Variants in TPO observed in about 807,000 individuals in gnomAD.
TPO encodes thyroid microsomal antigen.
Under a neutral mutation model 96.9 loss-of-function variants are expected in TPO, and 78 were observed. That is an observed-to-expected ratio of 0.81 (90% CI 0.67 to 0.97). The LOEUF is 0.97. TPO is among the 50% of genes least tolerant of loss of function. TPO has a pLI of 0.00. For missense variants in TPO, 1,252 were observed against 1,274.8 expected (o/e 0.98, Z 0.27); for synonymous variants, 547 against 538.0 (o/e 1.02, Z -0.23).
chr2:1,499,351 C>G (rs937065617), intron 13 of TPO, among the ~76,000 whole-genome samples: 5 of 152,176 alleles, frequency 3.3e-5, no homozygotes, highest in African/African-American at 9.7e-5. Flanking sequence ...AATCACTCTT[C>G]TGTTCTTGAA....
At chr2:1,511,720 G>A (rs939763408) in intron 14 of TPO, among the ~76,000 whole-genome samples, 1 of 152,168 alleles carries the variant, frequency 6.6e-6, no homozygotes, top group Non-Finnish European at 1.5e-5. Context: ...TAAGGACATA[G>A]CTGCCTTGGG....
At chr2:1,510,752 G>A (rs1273378299) in intron 14 of TPO, among the ~76,000 whole-genome samples, 1 of 152,140 alleles carries the variant, frequency 6.6e-6, no homozygotes, top group African/African-American at 2.4e-5. Flanking sequence ...GTGCACCAGG[G>A]CCCATGTCTG....
chr2:1,516,810 G>C (rs1674759768), intron 14 of TPO, 73 bp from the exon 15 acceptor site: 2 of 1,425,988 alleles, frequency 1.4e-6, no homozygotes. Context: ...GTATGGCCCA[G>C]ACTCAGGCAG....
At chr2:1,539,639 G>A (rs149422169) in intron 15 of TPO, among the ~76,000 whole-genome samples, 18 of 152,274 alleles carry the variant, frequency 1.2e-4, no homozygotes, top group East Asian at 9.7e-4. Flanking sequence ...GCTGTGGTGC[G>A]GGGACTGCGC....
chr2:1,416,446 G>T (rs974591108), intron 2 of TPO, among the ~76,000 whole-genome samples: 2 of 152,210 alleles, frequency 1.3e-5, no homozygotes, highest in Non-Finnish European at 2.9e-5. Context: ...TTTGTAACAT[G>T]TTTTTTAATT....
At chr2:1,476,518 C>A (rs1669947105) in intron 7 of TPO, among the ~76,000 whole-genome samples, 1 of 152,230 alleles carries the variant, frequency 6.6e-6, no homozygotes, top group Non-Finnish European at 1.5e-5. Context: ...AACAGTGATG[C>A]CCACAAAACT....
At chr2:1,449,027 C>A (rs565234510) in intron 5 of TPO, among the ~76,000 whole-genome samples, 1 of 152,178 alleles carries the variant, frequency 6.6e-6, no homozygotes, top group African/African-American at 2.4e-5. Flanking sequence ...CTTCCTCCAG[C>A]GGCCATTCTG....
chr2:1,383,567 G>C (rs2148346844), intron 1 of TPO, among the ~76,000 whole-genome samples: 1 of 152,198 alleles, frequency 6.6e-6, no homozygotes, highest in Admixed American at 6.6e-5. Flanking sequence ...ACTTGTTGAT[G>C]GGGTTGTTTT....
chr2:1,422,150 C>T (rs1231244893), intron 2 of TPO, among the ~76,000 whole-genome samples: 2 of 152,262 alleles, frequency 1.3e-5, no homozygotes, highest in Non-Finnish European at 1.5e-5. Context: ...CTTAACTTTG[C>T]TGTATCACAC....
intron 14 of TPO, among the ~76,000 whole-genome samples, chr2:1,516,246 T>C (rs1316985659): frequency 2.0e-5 from 3 of 152,140 alleles, no homozygotes; most frequent in African/African-American, 7.2e-5. Flanking sequence ...GGCCTGCACT[T>C]CTCTGTCTGA....
rs1291259536 is a variant in TPO, at chr2:1,526,577, C to T, written c.2618+9595C>T. 2.7e-5 allele frequency among the ~76,000 whole-genome samples: 4 copies of T among 147,586 alleles called. No individual in the cohort carries two copies. The East Asian group carries it at 6.3e-4, about 23-fold the overall frequency. ...CTGTGTGCAACCTTCTCAAATCCCA[C>T]GCCACTGTGAGCAACCTCCACAAAT... On this transcript the variant is annotated intron_variant, in intron 15 of 16. Transcript: ENST00000329066.
At chr2:1,487,783 C>T in intron 9 of TPO, 38 bp from the exon 10 acceptor site, 1 of 1,613,620 alleles carries the variant, frequency 6.2e-7, no homozygotes, top group Non-Finnish European at 8.5e-7. Context: ...TAGAACTGAG[C>T]CAAGAGCTGT....
chr2:1,472,224 T>C (rs956234274), intron 7 of TPO, among the ~76,000 whole-genome samples: 4 of 151,966 alleles, frequency 2.6e-5, no homozygotes, highest in Non-Finnish European at 5.9e-5. Context: ...GTGTTCTGAA[T>C]GCTTATAGAG....
chr2:1,376,593 T>A lies in TPO; in HGVS notation n.180+2191T>A, dbSNP rs1004550817. On this transcript the variant is annotated intron_variant and non_coding_transcript_variant, in intron 1 of 5. Transcript: ENST00000497517. ...ATGGTGCCCAGGGCAGTGCTGATAG[T>A]GGAGGAGAGAGCCTGGTCTGAACAG... Among the ~76,000 whole-genome samples, 16 of 152,130 alleles carry A rather than the reference T, an allele frequency of 1.1e-4. No individual in the cohort carries two copies. The South Asian group carries it at 2.1e-3, about 20-fold the overall frequency.
rs4927590 is a variant in TPO at position 1,511,460 on chromosome 2, C to A, written c.2519-5423C>A. Among the ~76,000 whole-genome samples the A allele has an allele frequency of 4.8e-4, 8 of 16,526 alleles. 4 individuals are homozygous for A. Among genetic ancestry groups the A allele is most frequent in the African/African-American group, 1.7e-3 (4 of 2,396 alleles). 10.8% of individuals were successfully genotyped at this position (16,526 alleles called of 152,430 possible). A position where few individuals can be genotyped will look rare whatever the true frequency, so the allele number is the denominator to read the frequency against. The stretch of plus-strand genomic sequence containing the variant: ...CCTGCAGACTGGGGGTGCCACAGCG[C>A]AGCCCTGCAGACTGGGGGTGCCACA... On this transcript the variant is annotated intron_variant, in intron 14 of 16. Coordinates refer to ENST00000329066, the MANE Select transcript of TPO (RefSeq NM_001206744.2).
intron 5 of TPO, among the ~76,000 whole-genome samples, chr2:1,440,291 G>T (rs1666039343): frequency 6.6e-6 from 1 of 152,144 alleles, no homozygotes; most frequent in African/African-American, 2.4e-5. Flanking sequence ...ATGTCGAAAT[G>T]GTGGATTTTA....
Position 1,501,846 on chromosome 2 carries a change from T to C in TPO, c.2387-2102T>C, listed in dbSNP as rs573372827. Among the ~76,000 whole-genome samples, 4 of 152,162 alleles carry C rather than the reference T, an allele frequency of 2.6e-5. No individual in the cohort carries two copies. The East Asian group carries it at 7.8e-4, about 30-fold the overall frequency. On this transcript the variant is annotated intron_variant, in intron 13 of 16. Transcript: ENST00000329066. The stretch of plus-strand genomic sequence containing the variant: ...CCGGCCGACACCCTGATTTCAGACC[T>C]GTGACCTCTAGAACTCTTGGAGGAT...
rs1205703195 is a variant in TPO at position 1,530,293 on chromosome 2, T to G, written c.2619-10301T>G. Among the ~76,000 whole-genome samples the G allele has an allele frequency of 2.0e-4, 12 of 59,556 alleles. 1 individual carries two copies. Among genetic ancestry groups the G allele is most frequent in the African/African-American group, 7.3e-4 (12 of 16,468 alleles). The allele number at this position is 59,556 out of a possible 152,430, so 39.1% of individuals were successfully genotyped here. A position where few individuals can be genotyped will look rare whatever the true frequency, so the allele number is the denominator to read the frequency against. On this transcript the variant is annotated intron_variant, in intron 15 of 16. Transcript: ENST00000329066. Reference sequence around the variant, plus strand: ...GCAACCTCCTCAAATCCCCCGCCAGTGTGAGCAACCTCCTAAAATCCCCAC... The same window carrying G: ...GCAACCTCCTCAAATCCCCCGCCAGGGTGAGCAACCTCCTAAAATCCCCAC...
intron 1 of TPO, among the ~76,000 whole-genome samples, chr2:1,386,961 TC>T (rs1270811717): frequency 6.6e-6 from 1 of 152,228 alleles, no homozygotes; most frequent in African/African-American, 2.4e-5. Context: ...TATTTCTCTT[TC>T]ACTTACAAAG....
Sources: allele counts gnomAD v4.1 joint callset (sites outside exome capture counted in the v4.1 genomes callset), GRCh38; gene constraint gnomAD v4.1.1; transcripts MANE v1.5; gene names NCBI Gene and HGNC (gene_info 2026-07-23, HGNC 2026-07-21).